ERBB4: variants seen among roughly 807,000 people sequenced by gnomAD.
ERBB4 encodes the protein receptor tyrosine-protein kinase erbB-4.
A neutral mutation model predicts 158.0 loss-of-function variants in ERBB4; 42 were observed. The observed-to-expected ratio is 0.27, with a 90% CI of 0.21 to 0.34. ERBB4 has a LOEUF of 0.34. Among genes scored for constraint, ERBB4 ranks in the 10% least tolerant of loss-of-function variants. ERBB4 has a pLI of 1.00. For synonymous variants in ERBB4, 583 were observed against 558.7 expected, an observed-to-expected ratio of 1.04 and a Z score of -0.61; for missense variants, 1,333 against 1,624.1, an observed-to-expected ratio of 0.82 and a Z score of 3.08.
At chr2:211,974,006 C>T (rs2081534444) in intron 2 of ERBB4, among the ~76,000 whole-genome samples, 1 of 152,168 alleles carries the variant, frequency 6.6e-6, no homozygotes, top group Non-Finnish European at 1.5e-5. Flanking sequence ...CACATGTTCT[C>T]ACTCATAAGT....
chr2:211,690,296 C>T (rs1389709038), intron 12 of ERBB4, among the ~76,000 whole-genome samples: 1 of 152,058 alleles, frequency 6.6e-6, no homozygotes, highest in Non-Finnish European at 1.5e-5. Context: ...TTGCTATCTT[C>T]TCCCTCTTGT....
At chr2:211,449,645 T>A (rs1180349759) in intron 20 of ERBB4, among the ~76,000 whole-genome samples, 1 of 152,192 alleles carries the variant, frequency 6.6e-6, no homozygotes, top group Non-Finnish European at 1.5e-5. Context: ...ATAGCCCATT[T>A]TATTACTGAA....
intron 1 of ERBB4, among the ~76,000 whole-genome samples, chr2:212,267,738 ATCCC>A (rs2085198129): frequency 6.6e-6 from 1 of 151,158 alleles, no homozygotes; most frequent in Non-Finnish European, 1.5e-5. Context: ...TCCTAATGCT[ATCCC>A]TCCCCCCTTC....
chr2:211,609,131 T>C (rs1275793283), intron 19 of ERBB4, among the ~76,000 whole-genome samples: 2 of 152,112 alleles, frequency 1.3e-5, no homozygotes, highest in Non-Finnish European at 2.9e-5. Flanking sequence ...CAGTCCCATT[T>C]TCCACCAAGG....
intron 1 of ERBB4, among the ~76,000 whole-genome samples, chr2:212,319,086 A>G (rs537296735): frequency 9.2e-5 from 14 of 151,780 alleles, no homozygotes; most frequent in African/African-American, 2.9e-4. Context: ...TGAACTTACT[A>G]CCACTCCAGG....
intron 1 of ERBB4, among the ~76,000 whole-genome samples, chr2:212,358,321 C>A (rs1341120823): frequency 6.6e-6 from 1 of 151,268 alleles, no homozygotes; most frequent in Non-Finnish European, 1.5e-5. Flanking sequence ...AAACAGCAAG[C>A]AGCATTTTGT....
chr2:211,429,341 A>C (rs1023637135), intron 21 of ERBB4, among the ~76,000 whole-genome samples: 1 of 152,114 alleles, frequency 6.6e-6, no homozygotes, highest in Admixed American at 6.5e-5. Context: ...TAAAATCATG[A>C]ATTCCAAAGT....
chr2:211,880,164 C>A (rs899086675), intron 3 of ERBB4, among the ~76,000 whole-genome samples: 2 of 151,964 alleles, frequency 1.3e-5, no homozygotes, highest in African/African-American at 2.4e-5. Context: ...GTTTTGTTTT[C>A]TTCTGTCTCT....
intron 1 of ERBB4, among the ~76,000 whole-genome samples, chr2:212,216,856 A>G (rs1356462797): frequency 6.6e-6 from 1 of 151,384 alleles, no homozygotes; most frequent in Non-Finnish European, 1.5e-5. Context: ...TTTTCACACA[A>G]GGAAACCTAT....
intron 2 of ERBB4, among the ~76,000 whole-genome samples, chr2:212,062,399 C>CTT (rs199535512): frequency 2.5e-5 from 2 of 81,302 alleles, no homozygotes; most frequent in South Asian, 4.8e-4. Flanking sequence ...CTTGTCAATT[C>CTT]TTTTTTTTTT....
intron 4 of ERBB4, among the ~76,000 whole-genome samples, chr2:211,766,794 G>A (rs2075559228): frequency 6.6e-6 from 1 of 152,090 alleles, no homozygotes; most frequent in Admixed American, 6.6e-5. Flanking sequence ...GTAACAAAAG[G>A]ATCAAAGGCT....
At chr2:212,181,879 C>A (rs903736362) in intron 1 of ERBB4, among the ~76,000 whole-genome samples, 2 of 151,588 alleles carry the variant, frequency 1.3e-5, no homozygotes, top group Non-Finnish European at 3.0e-5. Flanking sequence ...CAGTTACTTT[C>A]AAAGAAAAAC....
At chr2:212,418,616 CA>C (rs1043018184) in intron 1 of ERBB4, among the ~76,000 whole-genome samples, 3 of 150,454 alleles carry the variant, frequency 2.0e-5, no homozygotes, top group African/African-American at 2.4e-5. Context: ...ATTATAAAAA[CA>C]AAAAAAATTA....
intron 4 of ERBB4, chr2:211,778,127 T>C (rs2075934401): frequency 6.6e-6 from 1 of 152,214 alleles, no homozygotes; most frequent in African/African-American, 2.4e-5. Context: ...CACGGCAGGA[T>C]TGAAGCTGCT....
intron 1 of ERBB4, among the ~76,000 whole-genome samples, chr2:212,135,604 C>T (rs2080248181): frequency 2.0e-5 from 3 of 152,276 alleles, no homozygotes; most frequent in Admixed American, 1.3e-4. Context: ...TTAGAAATTA[C>T]ATTTCTGTCA....
intron 1 of ERBB4, among the ~76,000 whole-genome samples, chr2:212,186,465 T>C (rs963945371): frequency 1.3e-5 from 2 of 152,180 alleles, no homozygotes; most frequent in African/African-American, 4.8e-5. Context: ...GTAAATACAA[T>C]TAAAACACTC....
At chr2:212,190,569 T>G (rs2082160608) in intron 1 of ERBB4, among the ~76,000 whole-genome samples, 1 of 148,246 alleles carries the variant, frequency 6.7e-6, no homozygotes, top group African/African-American at 2.5e-5. Flanking sequence ...GAAGAAGAAC[T>G]GGGCGCCTTT....
intron 3 of ERBB4, among the ~76,000 whole-genome samples, chr2:211,861,577 T>C (rs757067620): frequency 6.6e-6 from 1 of 152,040 alleles, no homozygotes; most frequent in Non-Finnish European, 1.5e-5. Flanking sequence ...CCTATAAATA[T>C]TGGCTAAAGA....
chr2:212,247,020 TC>T (rs2084334333), intron 1 of ERBB4, among the ~76,000 whole-genome samples: 1 of 152,176 alleles, frequency 6.6e-6, no homozygotes, highest in African/African-American at 2.4e-5. Flanking sequence ...CATTCAAAAA[TC>T]ATGTTGATTA....
Sources: gnomAD v4.1 joint callset for allele counts (sites outside exome capture counted in the v4.1 genomes callset) on GRCh38, gnomAD v4.1.1 for gene constraint, MANE v1.5 for transcripts, NCBI Gene and HGNC (gene_info 2026-07-23, HGNC 2026-07-21) for gene names.